Variants in DMTF1 observed in about 807,000 individuals in gnomAD.
DMTF1 encodes the protein cyclin-D-binding Myb-like transcription factor 1.
Under a neutral mutation model 91.1 loss-of-function variants are expected in DMTF1, and 39 were observed. The observed-to-expected ratio is 0.43, with a 90% CI of 0.33 to 0.56. The LOEUF is 0.56. Ranked by LOEUF, DMTF1 falls within the 20% of genes least tolerant of loss-of-function variation. The pLI, the probability that DMTF1 is intolerant of heterozygous loss-of-function variation, is 0.05. For missense variants in DMTF1, 750 were observed against 914.5 expected (o/e 0.82, Z 2.32); for synonymous variants, 338 against 309.5 (o/e 1.09, Z -0.97).
At chr7:87,190,401 C>T (rs1799479601) in intron 13 of DMTF1, among the ~76,000 whole-genome samples, 1 of 151,974 alleles carries the variant, frequency 6.6e-6, no homozygotes, top group Non-Finnish European at 1.5e-5. Context: ...TTTTGGACTA[C>T]CAGTCCAGAC....
chr7:87,191,061 A>G (rs777756129), intron 14 of DMTF1, 34 bp downstream of exon 14: 1 of 1,368,324 alleles, frequency 7.3e-7, no homozygotes, highest in South Asian at 1.2e-5. Flanking sequence ...GGCCATTTTT[A>G]TGCATGAGAA....
At chr7:87,170,199 G>A (rs894466532) in intron 4 of DMTF1, among the ~76,000 whole-genome samples, 1 of 151,996 alleles carries the variant, frequency 6.6e-6, no homozygotes, top group African/African-American at 2.4e-5. Flanking sequence ...TAGTGGCTCT[G>A]CCATCCAAAA....
Position 87,195,253 on chromosome 7 carries a change from A to C in DMTF1, c.*113A>C, listed in dbSNP as rs1801015658. ...GCTTAATTTACCAATTTAAATAGCC[A>C]CAGTCCTTAAGCCACACACATTGTT... On this transcript the variant is annotated 3_prime_UTR_variant, in exon 18 of 18. Transcript: ENST00000331242. The C allele has an allele frequency of 2.9e-6, 2 of 697,620 alleles. No homozygotes were observed. Among genetic ancestry groups the C allele is most frequent in the Non-Finnish European group, 2.4e-6 (1 of 409,698 alleles). The allele number at this position is 697,620 out of a possible 1,614,324, so 43.2% of individuals were successfully genotyped here. A position where few individuals can be genotyped will look rare whatever the true frequency, so the allele number is the denominator to read the frequency against.
intron 3 of DMTF1, among the ~76,000 whole-genome samples, chr7:87,165,606 A>T (rs938632714): frequency 1.3e-5 from 2 of 152,192 alleles, no homozygotes; most frequent in Non-Finnish European, 2.9e-5. Context: ...CAAAGTTAGG[A>T]TTTTAAGTAG....
At chr7:87,155,390 A>G (rs992212059) in intron 1 of DMTF1, 11 of 152,046 alleles carry the variant, frequency 7.2e-5, no homozygotes, top group South Asian at 2.1e-4. Flanking sequence ...TACCACCATC[A>G]TATTTTTCCT....
At chr7:87,170,400 C>A (rs1273717258) in intron 4 of DMTF1, among the ~76,000 whole-genome samples, 5 of 152,170 alleles carry the variant, frequency 3.3e-5, no homozygotes, top group Admixed American at 1.3e-4. Flanking sequence ...AGAGTTAAAA[C>A]CAAAACCTTC....
Position 87,182,938 on chromosome 7 carries a change from G to A in DMTF1, c.820+601G>A, listed in dbSNP as rs73206987. Reference sequence around the variant, plus strand: ...AAACCTAATCTTTGCGACCAACAACGTATTTAGGCTCTGCTATTAACTGTC... The same window carrying A: ...AAACCTAATCTTTGCGACCAACAACATATTTAGGCTCTGCTATTAACTGTC... On this transcript the variant is annotated intron_variant, in intron 10 of 17. Transcript: ENST00000331242. Among the ~76,000 whole-genome samples, 419 of 152,250 alleles carry A rather than the reference G, an allele frequency of 2.8e-3. 1 individual carries two copies. Among genetic ancestry groups the A allele is most frequent in the Non-Finnish European group, 4.8e-3 (328 of 68,034 alleles).
At chr7:87,171,542 G>T (rs530791145) in intron 5 of DMTF1, among the ~76,000 whole-genome samples, 1 of 152,246 alleles carries the variant, frequency 6.6e-6, no homozygotes, top group South Asian at 2.1e-4. Context: ...AGACTAGCTT[G>T]AAAAACAATT....
At chr7:87,170,829 G>A (rs1362975860) in intron 4 of DMTF1, among the ~76,000 whole-genome samples, 166 bp from the exon 5 acceptor site, 2 of 152,172 alleles carry the variant, frequency 1.3e-5, no homozygotes, top group African/African-American at 2.4e-5. Context: ...TATGAATTAG[G>A]TGCACATTAA....
chr7:87,178,818 G>A (rs1043159410), intron 7 of DMTF1, among the ~76,000 whole-genome samples: 1 of 150,932 alleles, frequency 6.6e-6, no homozygotes. Context: ...ACAGGATTGT[G>A]TGTCTATTTG....
intron 4 of DMTF1, among the ~76,000 whole-genome samples, chr7:87,169,094 T>G (rs1417768860): frequency 6.6e-6 from 1 of 152,204 alleles, no homozygotes; most frequent in South Asian, 2.1e-4. Context: ...TTGTTTCTTC[T>G]GTATCACCAG....
At chr7:87,153,798 A>C (rs1789969007) in intron 1 of DMTF1, among the ~76,000 whole-genome samples, 1 of 152,244 alleles carries the variant, frequency 6.6e-6, no homozygotes, top group South Asian at 2.1e-4. Context: ...CTGTATTTTT[A>C]ATTCGTGGGA....
intron 1 of DMTF1, among the ~76,000 whole-genome samples, chr7:87,153,646 G>T (rs983507732): frequency 1.3e-5 from 2 of 152,138 alleles, no homozygotes; most frequent in African/African-American, 4.8e-5. Flanking sequence ...AATGTACATG[G>T]ATTTGATTAT....
intron 7 of DMTF1, among the ~76,000 whole-genome samples, chr7:87,176,115 A>G (rs1336069315): frequency 6.6e-6 from 1 of 152,212 alleles, no homozygotes; most frequent in Non-Finnish European, 1.5e-5. Context: ...TCCACTCTAC[A>G]CTAATGTAGA....
intron 1 of DMTF1, among the ~76,000 whole-genome samples, chr7:87,162,474 A>T (rs1412880299): frequency 1.3e-5 from 2 of 152,242 alleles, no homozygotes; most frequent in Admixed American, 1.3e-4. Context: ...AATACACTAT[A>T]ATCACAGACA....
chr7:87,195,216 A>G lies in DMTF1; in HGVS notation c.*76A>G. ...ACAACCTCTTCAAAGAAATAGGAGC[A>G]ACCCCCAAGAGGCTTAATTTACCAA... On this transcript the variant is annotated 3_prime_UTR_variant, in exon 18 of 18. Coordinates refer to ENST00000331242, the MANE Select transcript of DMTF1 (RefSeq NM_001142327.2). The G allele has an allele frequency of 9.7e-7, 1 of 1,028,130 alleles. No individual in the cohort carries two copies. The highest frequency in any genetic ancestry group is 1.5e-6 in the Non-Finnish European group (1 of 674,876). 63.7% of individuals were successfully genotyped at this position (1,028,130 alleles called of 1,614,324 possible). A position where few individuals can be genotyped will look rare whatever the true frequency, so the allele number is the denominator to read the frequency against.
At chr7:87,162,118 T>C (rs1792589686) in intron 1 of DMTF1, among the ~76,000 whole-genome samples, 1 of 152,210 alleles carries the variant, frequency 6.6e-6, no homozygotes, top group South Asian at 2.1e-4. Flanking sequence ...GCTTTTCTAT[T>C]TTTTGAGACA....
intron 1 of DMTF1, among the ~76,000 whole-genome samples, chr7:87,161,122 TA>T (rs1404843888): frequency 6.6e-6 from 1 of 152,148 alleles, no homozygotes; most frequent in African/African-American, 2.4e-5. Flanking sequence ...AAAGTGAAAC[TA>T]GGTCAGTTTC....
rs1800464285 is a variant in DMTF1, at chr7:87,193,682, T to G, written c.1651-43T>G. The G allele has an allele frequency of 4.6e-6, 7 of 1,525,216 alleles. No individual in the cohort carries two copies. The East Asian group carries it at 1.6e-4, about 34-fold the overall frequency. The allele number at this position is 1,525,216 out of a possible 1,614,324, so 94.5% of individuals were successfully genotyped here. On this transcript the variant is annotated intron_variant, in intron 15 of 17. Transcript: ENST00000331242. ...AGACAGTGAGGTACCCCCATAAATG[T>G]CATTTGATTTACAACTTTAACAGGT...
Sources: allele counts gnomAD v4.1 joint callset (sites outside exome capture counted in the v4.1 genomes callset), GRCh38; gene constraint gnomAD v4.1.1; transcripts MANE v1.5; gene names NCBI Gene and HGNC (gene_info 2026-07-23, HGNC 2026-07-21).